Variants in WDR35 observed in about 807,000 individuals in gnomAD.
WDR35 encodes WD repeat domain 35.
Under a neutral mutation model 158.3 loss-of-function variants are expected in WDR35, and 118 were observed. That is an observed-to-expected ratio of 0.75 (90% CI 0.64 to 0.87). The LOEUF (loss-of-function observed/expected upper bound fraction) is 0.87, where lower values mean the gene tolerates loss of function less well. WDR35 is among the 40% of genes least tolerant of loss of function. The pLI is 0.00. For synonymous variants in WDR35, 448 were observed against 476.1 expected, an observed-to-expected ratio of 0.94 and a Z score of 0.77; for missense variants, 1,263 against 1,405.8, an observed-to-expected ratio of 0.90 and a Z score of 1.62.
At chr2:19,946,641 A>G (rs1013806005) in intron 14 of WDR35, 71 bp from the exon 15 acceptor site, 6 of 1,395,158 alleles carry the variant, frequency 4.3e-6, no homozygotes, top group South Asian at 1.2e-5. Flanking sequence ...CTATTTCTCT[A>G]TATGTCTATA....
In WDR35 at chr2:19,931,321, T is replaced by C. The variant is rs1344292470; in HGVS notation, c.2912A>G (p.His971Arg). 8 of 1,613,508 alleles carry C rather than the reference T, an allele frequency of 5.0e-6. No homozygotes were observed. The highest frequency in any genetic ancestry group is 1.7e-4 in the Middle Eastern group (1 of 6,054). ...VLSALLIEQY[H>R]EQMKNAQRGK... ...TCGCTGGGCATTCTTCATCTGTTCA[T>C]GGTATTGCTCTATAAGTAAGGCTGA... The change falls in exon 24 of 27, where the codon CAT (histidine) becomes CGT (arginine). Residue 971 changes from histidine (H) to arginine (R), a missense_variant. Transcript: ENST00000281405.
At chr2:19,967,618 AAAT>A (rs1217502181) in intron 9 of WDR35, among the ~76,000 whole-genome samples, 1 of 151,966 alleles carries the variant, frequency 6.6e-6, no homozygotes, top group Non-Finnish European at 1.5e-5. Flanking sequence ...AAATGAAATA[AAAT>A]ATCATGTTGA....
rs1171063321 is a variant in WDR35 at position 19,954,270 on chromosome 2, G to C, written c.1256-292C>G. On this transcript the variant is annotated intron_variant, in intron 11 of 26. Transcript: ENST00000281405. ...ATGACCTTTGGTCAGGCAATAATTGGCTTCTTAGATATGACACCAAAAACA... is the reference window on the plus strand; with the variant it reads ...ATGACCTTTGGTCAGGCAATAATTGCCTTCTTAGATATGACACCAAAAACA... Among the ~76,000 whole-genome samples, 3 of 152,100 alleles carry C rather than the reference G, an allele frequency of 2.0e-5. No homozygotes were observed. In the South Asian group the frequency reaches 6.2e-4, roughly 32 times the overall value.
chr2:19,978,909 T>C (rs767980749), intron 4 of WDR35, 30 bp from the exon 5 acceptor site: 1 of 1,612,188 alleles, frequency 6.2e-7, no homozygotes, highest in South Asian at 1.1e-5. Flanking sequence ...AAATTACAAG[T>C]CAAAACTTTC....
At chr2:19,974,238 G>A (rs1470681902) in intron 7 of WDR35, among the ~76,000 whole-genome samples, 3 of 151,816 alleles carry the variant, frequency 2.0e-5, no homozygotes, top group Non-Finnish European at 4.4e-5. Flanking sequence ...GTGAAACCCC[G>A]TCTCTACGAA....
chr2:19,943,756 T>C (rs1337124108), intron 16 of WDR35, among the ~76,000 whole-genome samples: 1 of 152,104 alleles, frequency 6.6e-6, no homozygotes, highest in Admixed American at 6.6e-5. Context: ...AGAGGGTCAC[T>C]GGAGATGAAA....
chr2:19,982,560 A>G, intron 2 of WDR35, 26 bp from the exon 3 acceptor site: 1 of 1,606,216 alleles, frequency 6.2e-7, no homozygotes, highest in Non-Finnish European at 8.5e-7. Context: ...ACAAACTACT[A>G]TGATAAATAT....
At position 19,973,706 on chromosome 2, in the gene WDR35, G is replaced by T. The variant is rs751627533; in HGVS notation, c.739C>A (p.Pro247Thr). 6.2e-7 allele frequency: 1 copy of T among 1,612,684 alleles called. No homozygotes were observed. The highest frequency in any genetic ancestry group is 1.3e-5 in the African/African-American group (1 of 74,894). Residue 247 changes from proline (P) to threonine (T), a missense_variant and splice_region_variant, in exon 8 of 27, where the codon CCC (proline) becomes ACC (threonine). Transcript: ENST00000281405. ...TACATGCCAGTGTCAATCAAAACGG[G>T]ATCTAGTCAGAAAGAGAAAAATGAG... ...QIMRHENDQN[P>T]VLIDTGMYVV...
Position 19,990,020 on chromosome 2 carries a change from G to A in WDR35, c.-5C>T. Reference sequence around the variant, plus strand: ...CTTGCTCAGGTAGAAGAACATCGTGGGATCCCCGAGAGGGTCACGGCGGCC... The same window carrying A: ...CTTGCTCAGGTAGAAGAACATCGTGAGATCCCCGAGAGGGTCACGGCGGCC... On this transcript the variant is annotated 5_prime_UTR_variant, in exon 1 of 27. Transcript: ENST00000281405. 1.2e-6 allele frequency: 2 copies of A among 1,613,920 alleles called. No individual in the cohort carries two copies. The highest frequency in any genetic ancestry group is 1.7e-6 in the Non-Finnish European group (2 of 1,179,926).
chr2:19,961,737 A>C (rs112267052), intron 10 of WDR35, among the ~76,000 whole-genome samples: 2,169 of 152,274 alleles, frequency 0.014, 51 homozygotes, highest in African/African-American at 0.05. Context: ...GACTTTCTGA[A>C]GGGCCAAAGG....
At chr2:19,955,684 A>G (rs915303006) in intron 11 of WDR35, among the ~76,000 whole-genome samples, 3 of 152,246 alleles carry the variant, frequency 2.0e-5, no homozygotes, top group African/African-American at 7.2e-5. Context: ...ATGCAATGTA[A>G]TCATTAATAT....
chr2:19,972,333 C>G (rs1572359547), intron 8 of WDR35, among the ~76,000 whole-genome samples: 1 of 152,290 alleles, frequency 6.6e-6, no homozygotes, highest in East Asian at 1.9e-4. Context: ...CCGTTTAACA[C>G]TTAACACATT....
At chr2:19,966,373 A>G (rs1341146590) in intron 10 of WDR35, among the ~76,000 whole-genome samples, 2 of 152,246 alleles carry the variant, frequency 1.3e-5, no homozygotes, top group East Asian at 3.8e-4. Flanking sequence ...TCATTGCTGC[A>G]TAATTTCTTC....
Position 19,990,047 on chromosome 2 carries a change from C to G in WDR35, c.-32G>C. 4 of 1,612,976 alleles carry G rather than the reference C, an allele frequency of 2.5e-6. No individual in the cohort carries two copies. In the South Asian group the frequency reaches 4.4e-5, roughly 18 times the overall value. ...ATCCCCGAGAGGGTCACGGCGGCCG[C>G]TAAGGCCCTCGACAAGTAACGGTTC... On this transcript the variant is annotated 5_prime_UTR_variant, in exon 1 of 27. Coordinates refer to ENST00000281405, the MANE Select transcript of WDR35 (RefSeq NM_020779.4).
At position 19,911,120 on chromosome 2, in the gene WDR35, G is replaced by A. The variant is rs567246353; in HGVS notation, c.*2438C>T. The A allele has an allele frequency of 6.6e-6, 1 of 152,246 alleles. No individual in the cohort carries two copies. Among genetic ancestry groups the A allele is most frequent in the Admixed American group, 6.5e-5 (1 of 15,286 alleles). 9.4% of individuals were successfully genotyped at this position (152,246 alleles called of 1,614,324 possible). ...GTTGGTGGGAAAATTCTAGGGCTCAGGCAGCACAGAATTAGGGGGAAATGA... is the reference window on the plus strand; with the variant it reads ...GTTGGTGGGAAAATTCTAGGGCTCAAGCAGCACAGAATTAGGGGGAAATGA... On this transcript the variant is annotated 3_prime_UTR_variant, in exon 27 of 27. Transcript: ENST00000281405.
In WDR35 at chr2:19,937,750, C is replaced by A. The variant is rs141979961; in HGVS notation, c.2260G>T (p.Asp754Tyr). ...EEAERTYLEM[D>Y]RRDLAIGLRL... The stretch of plus-strand genomic sequence containing the variant: ...TGCGCCTTCATAACTTACCTTCTGT[C>A]CATCTCGAGATACGTTCTTTCAGCC... Residue 754 changes from aspartate (D) to tyrosine (Y), a missense_variant, in exon 19 of 27, where the codon GAC becomes TAC. Physicochemically the swap from Asp to Tyr is radical, Grantham distance 160 (BLOSUM62 -3). Coordinates refer to ENST00000281405, the MANE Select transcript of WDR35 (RefSeq NM_020779.4). 10 of 1,614,136 alleles carry A rather than the reference C, an allele frequency of 6.2e-6. No homozygotes were observed. The African/African-American group carries it at 1.2e-4, about 19-fold the overall frequency.
At chr2:19,924,285 C>A (rs939410673) in intron 25 of WDR35, among the ~76,000 whole-genome samples, 2 of 152,104 alleles carry the variant, frequency 1.3e-5, no homozygotes, top group Non-Finnish European at 2.9e-5. Context: ...TGATTGCAGG[C>A]CGGGTGCAGT....
intron 17 of WDR35, 55 bp from the exon 18 acceptor site, chr2:19,938,456 T>C (rs1377310689): frequency 6.3e-7 from 1 of 1,587,956 alleles, no homozygotes; most frequent in Non-Finnish European, 8.6e-7. Flanking sequence ...AGAGTATGTG[T>C]TTCTTTTTTA....
At chr2:19,930,629 T>C in intron 24 of WDR35, 77 bp from the exon 25 acceptor site, 24 of 1,594,190 alleles carry the variant, frequency 1.5e-5, no homozygotes, top group Non-Finnish European at 1.9e-5. Flanking sequence ...ACAACAGTCA[T>C]TAAAGTATCT....
Sources: allele counts gnomAD v4.1 joint callset (sites outside exome capture counted in the v4.1 genomes callset), GRCh38; gene constraint gnomAD v4.1.1; transcripts MANE v1.5; gene names NCBI Gene and HGNC (gene_info 2026-07-23, HGNC 2026-07-21).